KCNH7: variants seen among roughly 807,000 people sequenced by gnomAD.
KCNH7 encodes the protein potassium voltage-gated channel subfamily H member 7, also known as voltage-gated inwardly rectifying potassium channel KCNH7.
Under a neutral mutation model 120.8 loss-of-function variants are expected in KCNH7, and 49 were observed. That is an observed-to-expected ratio of 0.41 (90% CI 0.32 to 0.51). The LOEUF is 0.51. Ranked by LOEUF, KCNH7 falls within the 20% of genes least tolerant of loss-of-function variation. The probability of loss-of-function intolerance (pLI) is 0.38; values close to 1 mark genes in which losing one functional copy is unlikely to be tolerated. For missense variants in KCNH7, 1,097 were observed against 1,446.6 expected (o/e 0.76, Z 3.92); for synonymous variants, 547 against 516.1 (o/e 1.06, Z -0.81).
chr2:162,561,335 C>A (rs1260608566), intron 2 of KCNH7, among the ~76,000 whole-genome samples: 1 of 152,006 alleles, frequency 6.6e-6, no homozygotes, highest in East Asian at 1.9e-4. Flanking sequence ...ATTTCATTTT[C>A]TTTAAACCAG....
chr2:162,490,533 TG>T (rs1357183021), intron 6 of KCNH7, among the ~76,000 whole-genome samples: 1 of 152,190 alleles, frequency 6.6e-6, no homozygotes, highest in Non-Finnish European at 1.5e-5. Context: ...ACAGGATGCC[TG>T]GAGGGTGAGT....
At chr2:162,807,754 C>T (rs1684601336) in intron 2 of KCNH7, among the ~76,000 whole-genome samples, 1 of 151,856 alleles carries the variant, frequency 6.6e-6, no homozygotes, top group South Asian at 2.1e-4. Flanking sequence ...GCAATCTCGG[C>T]TCACTGCAAC....
At chr2:162,724,849 C>G (rs900532728) in intron 2 of KCNH7, among the ~76,000 whole-genome samples, 4 of 152,066 alleles carry the variant, frequency 2.6e-5, no homozygotes, top group Non-Finnish European at 4.4e-5. Context: ...ACTGTATAGT[C>G]AAATAGATAT....
At chr2:162,421,667 C>G (rs1019092108) in intron 9 of KCNH7, among the ~76,000 whole-genome samples, 1 of 152,036 alleles carries the variant, frequency 6.6e-6, no homozygotes, top group African/African-American at 2.4e-5. Context: ...GTGAAGCAGA[C>G]AGGAAAGAGA....
chr2:162,503,154 T>C (rs1367334464), intron 6 of KCNH7, among the ~76,000 whole-genome samples: 2 of 152,088 alleles, frequency 1.3e-5, no homozygotes, highest in Non-Finnish European at 2.9e-5. Flanking sequence ...TCTCTTTAAA[T>C]TTTATTCCCT....
chr2:162,456,380 A>G (rs1441425152), intron 6 of KCNH7, among the ~76,000 whole-genome samples: 1 of 152,088 alleles, frequency 6.6e-6, no homozygotes, highest in African/African-American at 2.4e-5. Context: ...CATTCCTTAT[A>G]TAATTTCCAT....
chr2:162,751,976 G>GA (rs1688567681), intron 2 of KCNH7, among the ~76,000 whole-genome samples: 1 of 151,890 alleles, frequency 6.6e-6, no homozygotes, highest in Admixed American at 6.6e-5. Flanking sequence ...TGATTTTCAA[G>GA]AAAAAATAAT....
intron 2 of KCNH7, among the ~76,000 whole-genome samples, chr2:162,702,968 T>G (rs569060432): frequency 2.6e-5 from 4 of 152,114 alleles, no homozygotes; most frequent in Non-Finnish European, 5.9e-5. Context: ...GCACTAGATC[T>G]TGGTAAGAAC....
chr2:162,565,033 T>C (rs992416447), intron 2 of KCNH7, among the ~76,000 whole-genome samples: 1 of 152,118 alleles, frequency 6.6e-6, no homozygotes, highest in Non-Finnish European at 1.5e-5. Flanking sequence ...AATTTGTTTT[T>C]ATGTTTTCAG....
intron 2 of KCNH7, among the ~76,000 whole-genome samples, chr2:162,697,069 A>T (rs1041402001): frequency 2.0e-5 from 3 of 152,328 alleles, no homozygotes; most frequent in East Asian, 3.9e-4. Flanking sequence ...TAAATAAAAA[A>T]TAAATACTAG....
At chr2:162,464,775 A>G (rs1319322279) in intron 6 of KCNH7, among the ~76,000 whole-genome samples, 5 of 152,102 alleles carry the variant, frequency 3.3e-5, no homozygotes, top group Non-Finnish European at 5.9e-5. Flanking sequence ...CATTTCATAA[A>G]TAATCCTTCT....
chr2:162,561,610 T>A (rs2105879971), intron 2 of KCNH7, among the ~76,000 whole-genome samples: 1 of 152,266 alleles, frequency 6.6e-6, no homozygotes, highest in Admixed American at 6.5e-5. Flanking sequence ...TGGTATCTAT[T>A]GTGGTTTTGA....
chr2:162,472,329 A>C (rs1408417732), intron 6 of KCNH7, among the ~76,000 whole-genome samples: 2 of 152,220 alleles, frequency 1.3e-5, no homozygotes, highest in Non-Finnish European at 2.9e-5. Flanking sequence ...AAATTTTTGC[A>C]ATCTACTCAT....
chr2:162,392,403 A>C (rs1686771076), intron 12 of KCNH7, among the ~76,000 whole-genome samples: 1 of 151,946 alleles, frequency 6.6e-6, no homozygotes, highest in African/African-American at 2.4e-5. Flanking sequence ...AGTTTGTTTC[A>C]ATTGAAATGT....
At chr2:162,379,765 C>A in intron 14 of KCNH7, 88 bp downstream of exon 14, 1 of 1,254,956 alleles carries the variant, frequency 8.0e-7, no homozygotes, top group Non-Finnish European at 1.1e-6. Flanking sequence ...GAGATCATGG[C>A]AAGGAGAATT....
chr2:162,416,479 C>T (rs1687545224), intron 9 of KCNH7, among the ~76,000 whole-genome samples: 1 of 152,032 alleles, frequency 6.6e-6, no homozygotes, highest in Admixed American at 6.6e-5. Flanking sequence ...CTAGCACTCA[C>T]ACCTTGCAAT....
At chr2:162,736,533 G>A (rs1375559494) in intron 2 of KCNH7, among the ~76,000 whole-genome samples, 1 of 152,160 alleles carries the variant, frequency 6.6e-6, no homozygotes, top group Non-Finnish European at 1.5e-5. Context: ...TGAGGATGAT[G>A]TTGCTGATTG....
At chr2:162,374,582 C>CA (rs1042464471) in intron 14 of KCNH7, among the ~76,000 whole-genome samples, 1 of 151,252 alleles carries the variant, frequency 6.6e-6, no homozygotes, top group Non-Finnish European at 1.5e-5. Context: ...GGAAATAAAA[C>CA]AAAAAAAGGA....
chr2:162,576,674 A>G (rs1300403558), intron 2 of KCNH7, among the ~76,000 whole-genome samples: 1 of 151,604 alleles, frequency 6.6e-6, no homozygotes, highest in Non-Finnish European at 1.5e-5. Context: ...TTTCCTGTTT[A>G]CAAGAGGGTA....
Sources: gnomAD v4.1 joint callset for allele counts (sites outside exome capture counted in the v4.1 genomes callset) on GRCh38, gnomAD v4.1.1 for gene constraint, MANE v1.5 for transcripts, NCBI Gene and HGNC (gene_info 2026-07-23, HGNC 2026-07-21) for gene names.